Variants in IFFO1 observed in about 807,000 individuals in gnomAD.
The protein encoded by IFFO1 is non-homologous end joining factor IFFO1.
A neutral mutation model predicts 59.6 loss-of-function variants in IFFO1; 42 were observed. That is an observed-to-expected ratio of 0.70 (90% CI 0.55 to 0.91). The LOEUF (loss-of-function observed/expected upper bound fraction) is 0.91. Among genes scored for constraint, IFFO1 ranks in the 40% least tolerant of loss-of-function variants. The pLI is 0.00. For synonymous variants in IFFO1, 336 were observed against 342.8 expected, an observed-to-expected ratio of 0.98 and a Z score of 0.22; for missense variants, 711 against 793.2, an observed-to-expected ratio of 0.90 and a Z score of 1.24.
Position 6,541,682 on chromosome 12 carries a change from G to A in IFFO1, c.1480-40C>T, listed in dbSNP as rs1946721350. On this transcript the variant is annotated intron_variant, in intron 8 of 9. Coordinates refer to ENST00000619571, the MANE Select transcript of IFFO1 (RefSeq NM_001193457.2). The surrounding 1 kb of genome is among the most constrained non-coding windows in gnomAD (Gnocchi z 4.8). Reference sequence around the variant, plus strand: ...GCAGGGCCATCGGGGTTAACAGGTGGCGTTCACAGCGCCTCTGTTGCCCCC... The same window carrying A: ...GCAGGGCCATCGGGGTTAACAGGTGACGTTCACAGCGCCTCTGTTGCCCCC... 6.2e-7 allele frequency: 1 copy of A among 1,611,300 alleles called. No homozygotes were observed. Among genetic ancestry groups the A allele is most frequent in the Non-Finnish European group, 8.5e-7 (1 of 1,179,398 alleles).
rs1403435128 is a variant in IFFO1, at chr12:6,555,889, G to A, written c.141C>T (p.Gly47=). 1 of 1,584,014 alleles carries A rather than the reference G, an allele frequency of 6.3e-7. No individual in the cohort carries two copies. Among genetic ancestry groups the A allele is most frequent in the Non-Finnish European group, 8.6e-7 (1 of 1,168,452 alleles). Residue 47 remains glycine, a synonymous_variant, in exon 1 of 10, where the codon GGC becomes GGT. Transcript: ENST00000619571. The surrounding 1 kb of genome is among the most constrained non-coding windows in gnomAD (Gnocchi z 8.6). ...DLPPAPLSPA[G]PAAYSPPGPG... ...GCCCGGGCGGCGAGTAGGCAGCAGGGCCGGCCGGCGAGAGAGGCGCCGGGG... is the reference window on the plus strand; with the variant it reads ...GCCCGGGCGGCGAGTAGGCAGCAGGACCGGCCGGCGAGAGAGGCGCCGGGG...
At position 6,549,103 on chromosome 12, in the gene IFFO1, G is replaced by T; in HGVS notation, c.1081-254C>A. On this transcript the variant is annotated intron_variant, in intron 5 of 9. Transcript: ENST00000619571. The surrounding 1 kb of genome is among the most constrained non-coding windows in gnomAD (Gnocchi z 5.0). ...AAGAGCAGTCAGACAAGGAAGGAAG[G>T]GCTCGCTGGGGCTGCAGTCAGATGT... 3.5e-6 allele frequency: 2 copies of T among 563,610 alleles called. No individual in the cohort carries two copies. The highest frequency in any genetic ancestry group is 6.3e-6 in the Non-Finnish European group (2 of 319,286). The allele number at this position is 563,610 out of a possible 1,614,324, so 34.9% of individuals were successfully genotyped here.
rs764262849 is a variant in IFFO1, at chr12:6,548,781, G to A, written c.1149C>T (p.Val383=). The A allele has an allele frequency of 1.6e-5, 26 of 1,613,794 alleles. No individual in the cohort carries two copies. Among genetic ancestry groups the A allele is most frequent in the East Asian group, 1.1e-4 (5 of 44,888 alleles). The change falls in exon 6 of 10, where the codon GTC becomes GTT. Residue 383 remains valine, a synonymous_variant. Transcript: ENST00000619571. The surrounding 1 kb of genome is among the most constrained non-coding windows in gnomAD (Gnocchi z 6.1). ...GGRKRERKAA[V]EEDTSLSESE... The stretch of plus-strand genomic sequence containing the variant: ...TCTCCGACAGGGAGGTGTCCTCCTC[G>A]ACGGCAGCCTTGCGCTCCCGCTTCC...
intron 9 of IFFO1, 108 bp from the exon 10 acceptor site, chr12:6,540,696 G>C (rs1946669885): frequency 3.1e-6 from 3 of 976,614 alleles, no homozygotes; most frequent in Admixed American, 4.3e-5. Context: ...AGAAGTACCG[G>C]AAGCGAGGGC....
At chr12:6,551,075 C>T in intron 1 of IFFO1, 74 bp from the exon 2 acceptor site, 2 of 1,471,490 alleles carry the variant, frequency 1.4e-6, no homozygotes, top group Non-Finnish European at 1.9e-6. Context: ...CCTGTCCCCA[C>T]CTCTCTGGCT....
Position 6,541,019 on chromosome 12 carries a change from G to GC in IFFO1, c.1611-432dup, listed in dbSNP as rs1946685774. ...ACCTGGGAGGCGGAGGTTGTAGTGA[G>GC]CCAAAAAAAAAAAAAAAAGAAATAG... On this transcript the variant is annotated intron_variant, in intron 9 of 9. Coordinates refer to ENST00000619571, the MANE Select transcript of IFFO1 (RefSeq NM_001193457.2). This position sits in a 1 kb window ranked among gnomAD's most constrained non-coding sequence, Gnocchi z 4.8. Among the ~76,000 whole-genome samples the GC allele has an allele frequency of 1.8e-5, 1 of 56,696 alleles. No homozygotes were observed. Among genetic ancestry groups the GC allele is most frequent in the African/African-American group, 1.7e-4 (1 of 6,020 alleles). The allele number at this position is 56,696 out of a possible 152,430, so 37.2% of individuals were successfully genotyped here.
chr12:6,545,218 AAAATAAAT>A (rs535558141), intron 8 of IFFO1, among the ~76,000 whole-genome samples: 3 of 152,018 alleles, frequency 2.0e-5, no homozygotes, highest in Non-Finnish European at 2.9e-5. Flanking sequence ...ACGTCTCAAA[AAAATAAAT>A]AAATAAATAA....
Position 6,549,320 on chromosome 12 carries a change from G to C in IFFO1, c.1080+156C>G. 1.4e-6 allele frequency: 1 copy of C among 712,558 alleles called. No individual in the cohort carries two copies. Among genetic ancestry groups the C allele is most frequent in the Non-Finnish European group, 2.5e-6 (1 of 404,206 alleles). The allele number at this position is 712,558 out of a possible 1,614,324, so 44.1% of individuals were successfully genotyped here. ...AAGAAATGCAGTCAAGAGAACAAGA[G>C]ATAGAGAGAAAAAGGGGGAAGAGCA... On this transcript the variant is annotated intron_variant, in intron 5 of 9. Transcript: ENST00000619571. This position sits in a 1 kb window ranked among gnomAD's most constrained non-coding sequence, Gnocchi z 5.0.
chr12:6,556,011 G>C lies in IFFO1; in HGVS notation c.19C>G (p.Pro7Ala). 1 of 1,581,514 alleles carries C rather than the reference G, an allele frequency of 6.3e-7. No homozygotes were observed. The highest frequency in any genetic ancestry group is 1.3e-5 in the African/African-American group (1 of 74,426). The change falls in exon 1 of 10, where the codon CCC becomes GCC. Residue 7 changes from proline to alanine, a missense_variant. By Grantham distance (27) the Pro-to-Ala change is conservative (BLOSUM62 -1). This residue lies in a region of IFFO1 where 114 missense variants were observed against 102.4 expected (regional missense o/e 1.11). Coordinates refer to ENST00000619571, the MANE Select transcript of IFFO1 (RefSeq NM_001193457.2). The part of the protein sequence containing the change: MNPLFG[P>A]NLFLLQQEQQ... ...TCCTGCTGCAGGAGGAAGAGGTTGG[G>C]GCCGAATAACGGATTCATGGCTGCG...
In IFFO1 at chr12:6,549,714, G is replaced by T; in HGVS notation, c.1071+42C>A. The stretch of plus-strand genomic sequence containing the variant: ...CCAGCCGCCACGGAAGCATCCACCT[G>T]CCCCACCCACCCCTGAGAGCAGAGG... On this transcript the variant is annotated intron_variant, in intron 4 of 9. Coordinates refer to ENST00000619571, the MANE Select transcript of IFFO1 (RefSeq NM_001193457.2). This position sits in a 1 kb window ranked among gnomAD's most constrained non-coding sequence, Gnocchi z 5.0. The T allele has an allele frequency of 6.3e-7, 1 of 1,588,630 alleles. No homozygotes were observed. The highest frequency in any genetic ancestry group is 8.6e-7 in the Non-Finnish European group (1 of 1,162,160).
rs1381020548 is a variant in IFFO1 at position 6,555,901 on chromosome 12, G to A, written c.129C>T (p.Leu43=). 3 of 1,559,750 alleles carry A rather than the reference G, an allele frequency of 1.9e-6. No homozygotes were observed. The highest frequency in any genetic ancestry group is 2.3e-5 in the East Asian group (1 of 42,602). ...AGTAGGCAGCAGGGCCGGCCGGCGA[G>A]AGAGGCGCCGGGGGCAAGTCTCCTC... The part of the protein sequence containing the change: ...AGGGDLPPAP[L]SPAGPAAYSP... Residue 43 remains leucine, a synonymous_variant, in exon 1 of 10, where the codon CTC becomes CTT. Transcript: ENST00000619571. The surrounding 1 kb of genome is among the most constrained non-coding windows in gnomAD (Gnocchi z 8.6).
intron 3 of IFFO1, chr12:6,550,301 C>A (rs745578550): frequency 2.9e-6 from 1 of 346,084 alleles, no homozygotes; most frequent in Non-Finnish European, 5.3e-6. Flanking sequence ...GCTAACACTG[C>A]ATGCTGGGCA....
chr12:6,540,646 G>A, intron 9 of IFFO1, 58 bp from the exon 10 acceptor site: 4 of 1,399,800 alleles, frequency 2.9e-6, no homozygotes, highest in Non-Finnish European at 4.0e-6. Context: ...AAGACGGACG[G>A]CACTCCTCCT....
intron 8 of IFFO1, among the ~76,000 whole-genome samples, chr12:6,544,165 CTTTT>C (rs531995265): frequency 0.058 from 7,984 of 136,670 alleles, 728 homozygotes; most frequent in African/African-American, 0.21. Flanking sequence ...TTTGAAAATA[CTTTT>C]TTTTTTTTTT....
At chr12:6,542,463 C>T (rs1181019227) in intron 8 of IFFO1, among the ~76,000 whole-genome samples, 2 of 152,154 alleles carry the variant, frequency 1.3e-5, no homozygotes, top group Non-Finnish European at 2.9e-5. Flanking sequence ...GCAGGGGCCG[C>T]AAGGGGAAGC....
At position 6,549,547 on chromosome 12, in the gene IFFO1, G is replaced by A; in HGVS notation, c.1072-63C>T. ...GGAGAGGAAGCAGACAGAGGAGAGA[G>A]AGGGGGAAGGGAGAGACGGCGTTAG... On this transcript the variant is annotated intron_variant, in intron 4 of 9. Transcript: ENST00000619571. This position sits in a 1 kb window ranked among gnomAD's most constrained non-coding sequence, Gnocchi z 5.0. The A allele has an allele frequency of 1.4e-6, 2 of 1,442,298 alleles. No individual in the cohort carries two copies. Among genetic ancestry groups the A allele is most frequent in the Non-Finnish European group, 2.0e-6 (2 of 1,024,602 alleles). The allele number at this position is 1,442,298 out of a possible 1,614,324, so 89.3% of individuals were successfully genotyped here.
intron 1 of IFFO1, among the ~76,000 whole-genome samples, chr12:6,552,143 T>G (rs1411196518): frequency 6.6e-6 from 1 of 152,144 alleles, no homozygotes; most frequent in Non-Finnish European, 1.5e-5. Context: ...AGCAAGAAAA[T>G]TAAAATCTGA....
chr12:6,554,290 A>T (rs1947348975), intron 1 of IFFO1, among the ~76,000 whole-genome samples: 1 of 152,058 alleles, frequency 6.6e-6, no homozygotes, highest in South Asian at 2.1e-4. Context: ...ATGAGAGGGG[A>T]GGCCGCCAAA....
intron 1 of IFFO1, chr12:6,551,397 C>T: frequency 7.7e-7 from 1 of 1,305,304 alleles, no homozygotes; most frequent in Non-Finnish European, 1.0e-6. Flanking sequence ...CAGTCTCCCA[C>T]CTTCAGTCGC....
Sources: allele counts gnomAD v4.1 joint callset (sites outside exome capture counted in the v4.1 genomes callset), GRCh38; gene constraint gnomAD v4.1.1; regional missense constraint gnomAD v4.1.1; non-coding constraint Gnocchi (gnomAD v3.1); transcripts MANE v1.5; gene names NCBI Gene and HGNC (gene_info 2026-07-23, HGNC 2026-07-21).